MRPL42: variants seen among roughly 807,000 people sequenced by gnomAD.
The protein encoded by MRPL42 is large ribosomal subunit protein mL42.
MRPL42 carries 17 observed loss-of-function variants against 17.9 expected under a neutral mutation model. The ratio of observed to expected loss-of-function variants is 0.95; its 90% CI spans 0.65 to 1.42. The LOEUF (loss-of-function observed/expected upper bound fraction) is 1.42. Among genes scored for constraint, MRPL42 ranks in the 40% most tolerant of loss-of-function variants. The probability of loss-of-function intolerance (pLI) is 0.00; values close to 1 mark genes in which losing one functional copy is unlikely to be tolerated. For synonymous variants in MRPL42, 59 were observed against 54.4 expected, an observed-to-expected ratio of 1.08 and a Z score of -0.37; for missense variants, 177 against 175.2, an observed-to-expected ratio of 1.01 and a Z score of -0.06.
chr12:93,490,641 C>T (rs962020879), intron 5 of MRPL42, among the ~76,000 whole-genome samples: 1 of 152,006 alleles, frequency 6.6e-6, no homozygotes, highest in Admixed American at 6.6e-5. Flanking sequence ...TTCTTTTTGT[C>T]TGTCTATCTG....
rs537326387 is a variant in MRPL42 at position 93,513,212 on chromosome 12, G to A, written c.*11991G>A. ...TTTTTTTTTTTTTTTTTTTTTGAGAGAGAGGGTCTCATTCATTTTATTGCC... is the reference window on the plus strand; with the variant it reads ...TTTTTTTTTTTTTTTTTTTTTGAGAAAGAGGGTCTCATTCATTTTATTGCC... On this transcript the variant is annotated 3_prime_UTR_variant, in exon 6 of 6. Coordinates refer to ENST00000549982, the MANE Select transcript of MRPL42 (RefSeq NM_014050.4). 4.8e-5 allele frequency: 3 copies of A among 62,068 alleles called. No individual in the cohort carries two copies. Among genetic ancestry groups the A allele is most frequent in the African/African-American group, 2.6e-4 (3 of 11,762 alleles). 3.8% of individuals were successfully genotyped at this position (62,068 alleles called of 1,614,324 possible).
At chr12:93,490,990 A>C (rs1024939485) in intron 5 of MRPL42, among the ~76,000 whole-genome samples, 2 of 152,136 alleles carry the variant, frequency 1.3e-5, no homozygotes, top group African/African-American at 2.4e-5. Flanking sequence ...TCCCGGATTC[A>C]AGCGATTCTA....
Position 93,502,083 on chromosome 12 carries a change from G to T in MRPL42, c.*862G>T, listed in dbSNP as rs1953605378. On this transcript the variant is annotated 3_prime_UTR_variant, in exon 6 of 6. Coordinates refer to ENST00000549982, the MANE Select transcript of MRPL42 (RefSeq NM_014050.4). ...TTTTAGTGCATCACAATGACAAAGG[G>T]GTGGTTTTCTTTCACCCAAGAATGT... The T allele has an allele frequency of 6.6e-6, 1 of 152,034 alleles. No individual in the cohort carries two copies. Among genetic ancestry groups the T allele is most frequent in the Non-Finnish European group, 1.5e-5 (1 of 68,000 alleles). The allele number at this position is 152,034 out of a possible 1,614,324, so 9.4% of individuals were successfully genotyped here. A position where few individuals can be genotyped will look rare whatever the true frequency, so the allele number is the denominator to read the frequency against.
chr12:93,485,015 T>TAC (rs1880666922), intron 4 of MRPL42, among the ~76,000 whole-genome samples: 6 of 85,806 alleles, frequency 7.0e-5, no homozygotes, highest in African/African-American at 2.6e-4. Flanking sequence ...TATATATATA[T>TAC]ATATATATAT....
intron 3 of MRPL42, 90 bp downstream of exon 3, chr12:93,477,107 T>G: frequency 1.1e-6 from 1 of 933,472 alleles, no homozygotes; most frequent in Non-Finnish European, 1.6e-6. Context: ...TCTGATGCTT[T>G]CTTTTCTCAT....
intron 5 of MRPL42, among the ~76,000 whole-genome samples, chr12:93,498,187 GT>G (rs1245209753): frequency 0.052 from 73 of 1,394 alleles, no homozygotes; most frequent in Non-Finnish European, 0.088. Context: ...CTTGTTTTGT[GT>G]ACTACAGAAT....
chr12:93,476,185 C>T (rs1298282229), intron 2 of MRPL42, among the ~76,000 whole-genome samples: 1 of 152,018 alleles, frequency 6.6e-6, no homozygotes, highest in Admixed American at 6.6e-5. Context: ...AACCCAAATA[C>T]TTTATTTTTA....
rs1363228775 is a variant in MRPL42, at chr12:93,508,668, CAT to C, written c.*7448_*7449del. On this transcript the variant is annotated 3_prime_UTR_variant, in exon 6 of 6. Coordinates refer to ENST00000549982, the MANE Select transcript of MRPL42 (RefSeq NM_014050.4). ...TGTCATGTCTCCACAGGACAATGCACATGGTATGTTTGTCAGAACCCAGTTGG... is the reference window on the plus strand; with the variant it reads ...TGTCATGTCTCCACAGGACAATGCACGGTATGTTTGTCAGAACCCAGTTGG... 1 of 152,056 alleles carries C rather than the reference CAT, an allele frequency of 6.6e-6. No individual in the cohort carries two copies. Among genetic ancestry groups the C allele is most frequent in the Non-Finnish European group, 1.5e-5 (1 of 68,022 alleles). 9.4% of individuals were successfully genotyped at this position (152,056 alleles called of 1,614,324 possible).
In MRPL42 at chr12:93,476,944, G is replaced by A. The variant is rs1880209795; in HGVS notation, c.71-10G>A. On this transcript the variant is annotated splice_polypyrimidine_tract_variant and intron_variant, in intron 2 of 5. Transcript: ENST00000549982. ...AACCAAATCTGTTTTACTGTTTGGGGTTTTTGCAGATGGAGCTTTATATTG... is the reference window on the plus strand; with the variant it reads ...AACCAAATCTGTTTTACTGTTTGGGATTTTTGCAGATGGAGCTTTATATTG... 1 of 1,604,000 alleles carries A rather than the reference G, an allele frequency of 6.2e-7. No homozygotes were observed. The highest frequency in any genetic ancestry group is 8.5e-7 in the Non-Finnish European group (1 of 1,173,600).
chr12:93,478,822 A>G (rs1358564842), intron 3 of MRPL42, among the ~76,000 whole-genome samples: 2 of 152,096 alleles, frequency 1.3e-5, no homozygotes, highest in Admixed American at 1.3e-4. Flanking sequence ...ATTCTGTGGG[A>G]TGGTCTTCAT....
chr12:93,500,079 T>C (rs1953562123), intron 5 of MRPL42, among the ~76,000 whole-genome samples: 1 of 152,214 alleles, frequency 6.6e-6, no homozygotes, highest in Non-Finnish European at 1.5e-5. Context: ...GAATTCTCCA[T>C]GGTGAAATCA....
At chr12:93,479,988 C>G (rs1239502794) in intron 4 of MRPL42, among the ~76,000 whole-genome samples, 2 of 151,106 alleles carry the variant, frequency 1.3e-5, no homozygotes, top group Non-Finnish European at 2.9e-5. Context: ...TTTTAAAAAG[C>G]CAAGTACTAG....
rs1953706209 is a variant in MRPL42, at chr12:93,509,502, A to G, written c.*8281A>G. 6.6e-6 allele frequency: 1 copy of G among 151,912 alleles called. No individual in the cohort carries two copies. Among genetic ancestry groups the G allele is most frequent in the African/African-American group, 2.4e-5 (1 of 41,356 alleles). The allele number at this position is 151,912 out of a possible 1,614,324, so 9.4% of individuals were successfully genotyped here. A position where few individuals can be genotyped will look rare whatever the true frequency, so the allele number is the denominator to read the frequency against. On this transcript the variant is annotated 3_prime_UTR_variant, in exon 6 of 6. Transcript: ENST00000549982. ...AAGACTTTTTGCCAGGCACAGTGGC[A>G]CATGCCTGTAGACCTAGCTACTCAG... is the stretch of plus-strand genomic sequence containing the variant.
chr12:93,471,654 A>G (rs1044802291), intron 2 of MRPL42, among the ~76,000 whole-genome samples: 5 of 151,732 alleles, frequency 3.3e-5, no homozygotes, highest in African/African-American at 4.8e-5. Context: ...TGCTTGCCCC[A>G]CTCTCCCATT....
At chr12:93,500,947 CAA>C (rs1325989023) in intron 5 of MRPL42, 3 of 398,326 alleles carry the variant, frequency 7.5e-6, no homozygotes, top group African/African-American at 6.5e-5. Context: ...TCAGCCTGGG[CAA>C]TAAAGCAAGA....
chr12:93,469,402 A>C lies in MRPL42; in HGVS notation c.70+47A>C, dbSNP rs370034012. 1.4e-5 allele frequency: 19 copies of C among 1,379,498 alleles called. No individual in the cohort carries two copies. The African/African-American group carries it at 2.4e-4, about 17-fold the overall frequency. 85.5% of individuals were successfully genotyped at this position (1,379,498 alleles called of 1,614,324 possible). ...GTTTAAAAACTTTTAAACTTTTAAG[A>C]ATTAAGAAAATTTAAAGCATTTAGT... On this transcript the variant is annotated intron_variant, in intron 2 of 5. Transcript: ENST00000549982.
At chr12:93,481,143 T>C (rs1398551943) in intron 4 of MRPL42, among the ~76,000 whole-genome samples, 1 of 152,182 alleles carries the variant, frequency 6.6e-6, no homozygotes, top group African/African-American at 2.4e-5. Context: ...AATGGCTCTT[T>C]ATATCTCTGA....
At chr12:93,494,751 G>A (rs1363312920) in intron 5 of MRPL42, among the ~76,000 whole-genome samples, 2 of 151,868 alleles carry the variant, frequency 1.3e-5, no homozygotes, top group African/African-American at 4.8e-5. Context: ...GAATGGAACA[G>A]AAAAGTGGAG....
chr12:93,487,782 C>CT (rs1304290229), intron 5 of MRPL42, 122 bp downstream of exon 5: 7 of 895,238 alleles, frequency 7.8e-6, no homozygotes, highest in Non-Finnish European at 1.2e-5. Context: ...TAAGTAGAAT[C>CT]ACCTACTATG....
Sources: allele counts gnomAD v4.1 joint callset (sites outside exome capture counted in the v4.1 genomes callset), GRCh38; gene constraint gnomAD v4.1.1; transcripts MANE v1.5; gene names NCBI Gene and HGNC (gene_info 2026-07-23, HGNC 2026-07-21).